The following COL4A5 variants were observed in gnomAD, a reference collection of about 807,000 sequenced individuals.
The protein encoded by COL4A5 is collagen alpha-5(IV) chain.
COL4A5 carries 26 observed loss-of-function variants against 130.2 expected under a neutral mutation model. That is an observed-to-expected ratio of 0.20 (90% CI 0.15 to 0.28). The LOEUF is 0.28. COL4A5 is among the 10% of genes least tolerant of loss of function. The pLI is 1.00. For synonymous variants in COL4A5, 496 were observed against 439.6 expected (o/e 1.13, Z -1.60); for missense variants, 1,131 against 1,344.3 (o/e 0.84, Z 2.48).
Position 108,578,387 on chromosome X carries a change from A to G in COL4A5, c.780+4A>G. On this transcript the variant is annotated splice_donor_region_variant and intron_variant, in intron 13 of 52. Coordinates refer to ENST00000328300, the MANE Select transcript of COL4A5 (RefSeq NM_033380.3). ...AGAGTTTCAGAAAGGAGATCAGGTG[A>G]GTAAGTAGGGAGGAAGTCAATGAAA... 1 of 1,161,870 alleles carries G rather than the reference A, an allele frequency of 8.6e-7. No homozygotes were observed. Among genetic ancestry groups the G allele is most frequent in the Non-Finnish European group, 1.2e-6 (1 of 850,698 alleles).
At chrX:108,494,796 C>T (rs769154848) in intron 1 of COL4A5, among the ~76,000 whole-genome samples, 1 of 111,522 alleles carries the variant, frequency 9.0e-6, no homozygotes, top group Non-Finnish European at 1.9e-5. Context: ...TAGCATTTTT[C>T]ATCCTCCCAT....
chrX:108,559,475 A>G (rs1350283677), intron 3 of COL4A5, among the ~76,000 whole-genome samples: 1 of 112,119 alleles, frequency 8.9e-6, no homozygotes, highest in African/African-American at 3.2e-5. Context: ...TTAAGAGAAG[A>G]AGCCAAAATG....
intron 1 of COL4A5, among the ~76,000 whole-genome samples, chrX:108,485,743 GTGGTGGACGAGTGATCTT>G (rs2064938014): frequency 9.1e-6 from 1 of 110,031 alleles, no homozygotes; most frequent in Non-Finnish European, 1.9e-5. Flanking sequence ...GAAGGGATCT[GTGGTGGACGAGTGATCTT>G]TGCAGCCTGG....
intron 1 of COL4A5, among the ~76,000 whole-genome samples, chrX:108,494,041 T>G (rs2065014714): frequency 8.9e-6 from 1 of 111,770 alleles, no homozygotes; most frequent in African/African-American, 3.2e-5. Flanking sequence ...GAAAATAGAT[T>G]GCAACTATTT....
chrX:108,652,615 A>C (rs1484204744), intron 36 of COL4A5, among the ~76,000 whole-genome samples: 1 of 112,440 alleles, frequency 8.9e-6, no homozygotes, highest in African/African-American at 3.2e-5. Flanking sequence ...CTGTAAGTTT[A>C]TTCTGAATTT....
intron 28 of COL4A5, among the ~76,000 whole-genome samples, chrX:108,604,733 T>C (rs921084377): frequency 1.8e-5 from 2 of 112,488 alleles, no homozygotes; most frequent in African/African-American, 6.5e-5. Context: ...TTTATTCCAA[T>C]AGAAGGCTGT....
At chrX:108,661,160 G>T (rs1049812872) in intron 37 of COL4A5, among the ~76,000 whole-genome samples, 1 of 111,231 alleles carries the variant, frequency 9.0e-6, no homozygotes, top group Non-Finnish European at 1.9e-5. Flanking sequence ...TGACAAAATC[G>T]CCCAACAACT....
Position 108,582,937 on chromosome X carries a change from G to T in COL4A5, c.990G>T (p.Lys330Asn), listed in dbSNP as rs1351189637. 13 of 1,192,786 alleles carry T rather than the reference G, an allele frequency of 1.1e-5. No homozygotes were observed. Among genetic ancestry groups the T allele is most frequent in the Non-Finnish European group, 1.4e-5 (12 of 880,153 alleles). ...YPGEPGRDGE[K>N]GQKGDTGPPG... Reference sequence around the variant, plus strand: ...GTGAACCCGGAAGGGATGGTGAAAAGGTAAGAATTTTAATACTTTGAAGTG... The same window carrying T: ...GTGAACCCGGAAGGGATGGTGAAAATGTAAGAATTTTAATACTTTGAAGTG... Residue 330 changes from lysine to asparagine, a missense_variant and splice_region_variant, in exon 17 of 53, where the codon AAG becomes AAT. Coordinates refer to ENST00000328300, the MANE Select transcript of COL4A5 (RefSeq NM_033380.3).
At chrX:108,557,012 C>A (rs2065832344) in intron 2 of COL4A5, among the ~76,000 whole-genome samples, 1 of 111,476 alleles carries the variant, frequency 9.0e-6, no homozygotes, top group South Asian at 3.8e-4. Context: ...AGCTTTTTAG[C>A]ACCTCCACTT....
At chrX:108,530,867 C>A (rs2065375737) in intron 1 of COL4A5, among the ~76,000 whole-genome samples, 1 of 107,865 alleles carries the variant, frequency 9.3e-6, no homozygotes. Context: ...AGGTATATAC[C>A]CAAAGGACTA....
Position 108,446,039 on chromosome X carries a change from C to T in COL4A5, c.81+5833C>T, listed in dbSNP as rs895156632. ...TATGTTAAGGTTTGGATGTGAATCA[C>T]GAAACTCTAAGCACAATTCATGTTT... On this transcript the variant is annotated intron_variant, in intron 1 of 52. Transcript: ENST00000328300. Among the ~76,000 whole-genome samples the T allele has an allele frequency of 3.3e-4, 37 of 110,992 alleles. No individual in the cohort carries two copies. The Admixed American group carries it at 3.6e-3, about 11-fold the overall frequency.
chrX:108,508,237 C>T (rs1400429727), intron 1 of COL4A5, among the ~76,000 whole-genome samples: 1 of 110,706 alleles, frequency 9.0e-6, no homozygotes, highest in African/African-American at 3.3e-5. Flanking sequence ...TTCCCATACA[C>T]CAACAACAGC....
intron 47 of COL4A5, among the ~76,000 whole-genome samples, chrX:108,684,548 A>G (rs2068504284): frequency 8.9e-6 from 1 of 112,298 alleles, no homozygotes; most frequent in Non-Finnish European, 1.9e-5. Flanking sequence ...TCAAGACTAA[A>G]CCAGGAAGAA....
chrX:108,645,719 C>A (rs5973882), intron 36 of COL4A5, among the ~76,000 whole-genome samples: 37,004 of 100,704 alleles, frequency 0.37, 7,699 homozygotes, highest in East Asian at 0.7. Context: ...TCCTAATGCT[C>A]TCCTTCCCCC....
intron 22 of COL4A5, among the ~76,000 whole-genome samples, chrX:108,596,637 C>A (rs2066520988): frequency 8.9e-6 from 1 of 111,738 alleles, no homozygotes. Context: ...ATATTCAAAC[C>A]TTTTCATTAT....
chrX:108,573,121 G>GT (rs200004252), intron 8 of COL4A5, among the ~76,000 whole-genome samples: 3,284 of 101,687 alleles, frequency 0.032, 132 homozygotes, highest in African/African-American at 0.11. Context: ...TTCTCCACTA[G>GT]TTTTTTTTTT....
Position 108,595,569 on chromosome X carries a change from A to T in COL4A5, c.1484A>T (p.Gln495Leu), listed in dbSNP as rs2147806055. ...IGTGISGPPG[Q>L]PGLPGLPGPP... ...ACTGGTATTTCAGGGCCTCCAGGTCAACCTGGTTTGCCAGGTCTCCCAGGT... is the reference window on the plus strand; with the variant it reads ...ACTGGTATTTCAGGGCCTCCAGGTCTACCTGGTTTGCCAGGTCTCCCAGGT... Residue 495 changes from glutamine (Q) to leucine (L), a missense_variant, in exon 22 of 53, where the codon CAA becomes CTA. Transcript: ENST00000328300. 1 of 1,210,729 alleles carries T rather than the reference A, an allele frequency of 8.3e-7. No individual in the cohort carries two copies. Among genetic ancestry groups the T allele is most frequent in the East Asian group, 3.0e-5 (1 of 33,764 alleles).
intron 48 of COL4A5, among the ~76,000 whole-genome samples, chrX:108,686,628 G>T (rs1458388830): frequency 1.8e-5 from 2 of 111,562 alleles, no homozygotes; most frequent in African/African-American, 6.5e-5. Flanking sequence ...TATTGAGTCT[G>T]GTATCTGTTA....
In COL4A5 at chrX:108,629,849, C is replaced by T. The variant is rs745965011; in HGVS notation, c.3246+3500C>T. Among the ~76,000 whole-genome samples, 22 of 109,935 alleles carry T rather than the reference C, an allele frequency of 2.0e-4. No homozygotes were observed. In the South Asian group the frequency reaches 3.2e-3, roughly 16 times the overall value. On this transcript the variant is annotated intron_variant, in intron 36 of 52. Transcript: ENST00000328300. ...CCATGACAGGGTGTGTGATGTCCCC[C>T]GCCCTGTGTCCAAGTGTTCTCATTG...
Sources: allele counts gnomAD v4.1 joint callset (sites outside exome capture counted in the v4.1 genomes callset), GRCh38; gene constraint gnomAD v4.1.1; transcripts MANE v1.5; gene names NCBI Gene and HGNC (gene_info 2026-07-23, HGNC 2026-07-21).